Variants in UST observed in about 807,000 individuals in gnomAD.
UST encodes uronyl 2-sulfotransferase.
In UST, 21 loss-of-function variants were observed where a neutral mutation model predicts 45.6. The ratio of observed to expected loss-of-function variants is 0.46; its 90% CI spans 0.33 to 0.66. The LOEUF is 0.66. Among genes scored for constraint, UST ranks in the 30% least tolerant of loss-of-function variants. The pLI is 0.02. For missense variants in UST, 463 were observed against 512.4 expected, an observed-to-expected ratio of 0.90 and a Z score of 0.93; for synonymous variants, 215 against 200.6, an observed-to-expected ratio of 1.07 and a Z score of -0.61.
Position 149,055,939 on chromosome 6 carries a change from A to G in UST, c.938-17894A>G, listed in dbSNP as rs148349428. ...TTCATTTATAGCCTGTTGTTGACCT[A>G]AAACCTAATGCATGTCAGTGCTCTT... On this transcript the variant is annotated intron_variant, in intron 7 of 7. Transcript: ENST00000367463. 1.7e-3 allele frequency among the ~76,000 whole-genome samples: 257 copies of G among 152,028 alleles called. 1 individual carries two copies. The highest frequency in any genetic ancestry group is 3.5e-3 in the South Asian group (17 of 4,812).
intron 2 of UST, among the ~76,000 whole-genome samples, chr6:148,890,367 G>A (rs999707748): frequency 6.6e-6 from 1 of 152,098 alleles, no homozygotes; most frequent in Non-Finnish European, 1.5e-5. Flanking sequence ...GCATGCAGAC[G>A]ATGAGGACTC....
chr6:148,801,827 T>G (rs1266949579), intron 1 of UST, among the ~76,000 whole-genome samples: 1 of 152,148 alleles, frequency 6.6e-6, no homozygotes, highest in African/African-American at 2.4e-5. Flanking sequence ...TTCTAGGTAT[T>G]TTTTCTTGGG....
At chr6:148,757,961 G>A (rs144678238) in intron 1 of UST, among the ~76,000 whole-genome samples, 99 of 152,344 alleles carry the variant, frequency 6.5e-4, no homozygotes, top group African/African-American at 2.3e-3. Context: ...ATGTTTTGAT[G>A]TATACAATAG....
At chr6:148,954,031 G>A in intron 4 of UST, 80 bp downstream of exon 4, 2 of 1,186,508 alleles carry the variant, frequency 1.7e-6, no homozygotes, top group Non-Finnish European at 2.4e-6. Flanking sequence ...TTATTTACAA[G>A]GCAGTGCAAT....
At chr6:148,825,925 G>C (rs1372614565) in intron 1 of UST, among the ~76,000 whole-genome samples, 1 of 152,172 alleles carries the variant, frequency 6.6e-6, no homozygotes, top group Non-Finnish European at 1.5e-5. Context: ...AGAGTTGTAG[G>C]TAGGGGTGTT....
intron 1 of UST, among the ~76,000 whole-genome samples, chr6:148,772,983 CA>C: frequency 6.6e-6 from 1 of 152,148 alleles, no homozygotes; most frequent in South Asian, 2.1e-4. Context: ...CAAACTTTTG[CA>C]AGTCTTGACA....
At chr6:148,801,209 C>T (rs1777052662) in intron 1 of UST, among the ~76,000 whole-genome samples, 1 of 151,952 alleles carries the variant, frequency 6.6e-6, no homozygotes, top group Non-Finnish European at 1.5e-5. Flanking sequence ...GGATTTTTCC[C>T]CCAGAGGTAT....
At chr6:148,955,242 T>C (rs1398682303) in intron 4 of UST, among the ~76,000 whole-genome samples, 1 of 152,236 alleles carries the variant, frequency 6.6e-6, no homozygotes, top group South Asian at 2.1e-4. Flanking sequence ...GAGCTGGGTC[T>C]GGAGGAGCTG....
At chr6:148,874,164 T>C (rs937899226) in intron 1 of UST, among the ~76,000 whole-genome samples, 3 of 152,256 alleles carry the variant, frequency 2.0e-5, no homozygotes, top group African/African-American at 7.2e-5. Context: ...CTCTCTTTGA[T>C]ACTCCATTTC....
At chr6:149,072,526 G>C (rs1776834128) in intron 7 of UST, among the ~76,000 whole-genome samples, 1 of 152,024 alleles carries the variant, frequency 6.6e-6, no homozygotes, top group Non-Finnish European at 1.5e-5. Context: ...GGTGGTGCAT[G>C]CCTGTAATCT....
intron 2 of UST, among the ~76,000 whole-genome samples, chr6:148,937,684 G>A (rs1261104862): frequency 6.6e-6 from 1 of 152,124 alleles, no homozygotes; most frequent in African/African-American, 2.4e-5. Flanking sequence ...TTGTAATAAA[G>A]TACTTACCTA....
intron 1 of UST, among the ~76,000 whole-genome samples, chr6:148,865,206 C>T (rs9283119): frequency 0.25 from 38,614 of 152,058 alleles, 5,425 homozygotes; most frequent in East Asian, 0.58. Flanking sequence ...GGATTTGACT[C>T]GAAATGCAAG....
chr6:148,758,004 C>G (rs139810782), intron 1 of UST, among the ~76,000 whole-genome samples: 2 of 152,352 alleles, frequency 1.3e-5, no homozygotes, highest in African/African-American at 4.8e-5. Context: ...GGATACTTCT[C>G]TAACCCAAGG....
At position 148,964,478 on chromosome 6, in the gene UST, A is replaced by G. The variant is rs1446564170; in HGVS notation, c.596A>G (p.Tyr199Cys). 4 of 1,613,964 alleles carry G rather than the reference A, an allele frequency of 2.5e-6. No individual in the cohort carries two copies. The highest frequency in any genetic ancestry group is 3.4e-6 in the Non-Finnish European group (4 of 1,180,032). ...CCCGTCAACCGGTTCTTATCCAACT[A>G]TTTTTTCCGTCGCTTTGGAGACTGG... is the stretch of plus-strand genomic sequence containing the variant. ...RDPVNRFLSN[Y>C]FFRRFGDWRG... Residue 199 changes from tyrosine (Y) to cysteine (C), a missense_variant, in exon 5 of 8, where the codon TAT (tyrosine) becomes TGT (cysteine). Physicochemically the swap from Tyr to Cys is radical, Grantham distance 194. This residue lies in a region of UST where 287 missense variants were observed against 374.2 expected (regional missense o/e 0.77). Transcript: ENST00000367463.
intron 7 of UST, among the ~76,000 whole-genome samples, chr6:149,041,308 A>C (rs1420234839): frequency 6.6e-6 from 1 of 152,234 alleles, no homozygotes; most frequent in Non-Finnish European, 1.5e-5. Context: ...TAGTGGGCAA[A>C]GAACACCTCC....
intron 1 of UST, among the ~76,000 whole-genome samples, chr6:148,874,614 A>G (rs1319008296): frequency 6.6e-6 from 1 of 152,100 alleles, no homozygotes; most frequent in East Asian, 1.9e-4. Flanking sequence ...ATTTTTGTAA[A>G]AATATTTAAA....
chr6:148,962,026 T>C (rs1780669285), intron 4 of UST, among the ~76,000 whole-genome samples: 1 of 152,162 alleles, frequency 6.6e-6, no homozygotes, highest in South Asian at 2.1e-4. Flanking sequence ...GGAAGCTGTG[T>C]GTACAGAGGG....
At chr6:148,819,496 G>A (rs1777416299) in intron 1 of UST, among the ~76,000 whole-genome samples, 1 of 152,162 alleles carries the variant, frequency 6.6e-6, no homozygotes, top group South Asian at 2.1e-4. Context: ...AAGATATTAG[G>A]AATCTCTTAC....
At chr6:149,027,319 G>A (rs1056044586) in intron 7 of UST, among the ~76,000 whole-genome samples, 2 of 152,146 alleles carry the variant, frequency 1.3e-5, no homozygotes, top group South Asian at 4.1e-4. Context: ...TTATAATAAA[G>A]AACAGTTATT....
Sources: allele counts gnomAD v4.1 joint callset (sites outside exome capture counted in the v4.1 genomes callset), GRCh38; gene constraint gnomAD v4.1.1; regional missense constraint gnomAD v4.1.1; transcripts MANE v1.5; gene names NCBI Gene and HGNC (gene_info 2026-07-23, HGNC 2026-07-21).